Variants in ABHD18 observed in about 807,000 individuals in gnomAD.
ABHD18 encodes cardiolipin-specific deacylase, mitochondrial.
ABHD18 carries 55 observed loss-of-function variants against 65.9 expected under a neutral mutation model. The observed-to-expected ratio is 0.84, with a 90% CI of 0.67 to 1.05. ABHD18 has a LOEUF of 1.05. Ranked by LOEUF, ABHD18 falls within the 50% of genes least tolerant of loss-of-function variation. ABHD18 has a pLI of 0.00. For synonymous variants in ABHD18, 181 were observed against 180.2 expected (o/e 1.00, Z -0.04); for missense variants, 533 against 558.5 (o/e 0.95, Z 0.46).
chr4:128,027,244 G>A (rs1371173008), intron 10 of ABHD18, among the ~76,000 whole-genome samples: 1 of 151,990 alleles, frequency 6.6e-6, no homozygotes, highest in East Asian at 1.9e-4. Context: ...CTAGATTTAC[G>A]TAAATACATT....
chr4:128,026,852 C>T (rs570728655), intron 10 of ABHD18, among the ~76,000 whole-genome samples: 100 of 150,232 alleles, frequency 6.7e-4, no homozygotes, highest in African/African-American at 2.4e-3. Context: ...GTGGCACAGT[C>T]TCTACTCATT....
rs1188701832 is a variant in ABHD18, at chr4:128,037,653, AT to A, written c.*1847del. On this transcript the variant is annotated 3_prime_UTR_variant, in exon 13 of 13. Transcript: ENST00000645843. ...ACACCCGACCTGACATTTTATTTTT[AT>A]TTTTTTAATTACATTTTTCTATATG... The A allele has an allele frequency of 4.6e-5, 7 of 151,936 alleles. No homozygotes were observed. Among genetic ancestry groups the A allele is most frequent in the African/African-American group, 2.4e-5 (1 of 41,374 alleles). 9.4% of individuals were successfully genotyped at this position (151,936 alleles called of 1,614,324 possible).
chr4:128,020,237 C>A, intron 9 of ABHD18, 68 bp downstream of exon 9: 1 of 1,091,128 alleles, frequency 9.2e-7, no homozygotes, highest in South Asian at 1.3e-5. Context: ...GGGGGGTCCC[C>A]AAAACCACCC....
rs1265911578 is a variant in ABHD18 at position 127,965,513 on chromosome 4, C to T, written c.-111C>T. Reference sequence around the variant, plus strand: ...AAGGTTACCGGAGCTGCGATTGGGGCTGGGACCAAAGTTGAGTCCTGGAAA... The same window carrying T: ...AAGGTTACCGGAGCTGCGATTGGGGTTGGGACCAAAGTTGAGTCCTGGAAA... On this transcript the variant is annotated 5_prime_UTR_variant, in exon 1 of 13. Coordinates refer to ENST00000645843, the MANE Select transcript of ABHD18 (RefSeq NM_001358451.3). The T allele has an allele frequency of 2.8e-6, 1 of 353,046 alleles. No homozygotes were observed. The highest frequency in any genetic ancestry group is 5.4e-6 in the Non-Finnish European group (1 of 184,472). The allele number at this position is 353,046 out of a possible 1,614,324, so 21.9% of individuals were successfully genotyped here.
chr4:128,007,073 A>G (rs1230070337), intron 4 of ABHD18, among the ~76,000 whole-genome samples: 1 of 152,156 alleles, frequency 6.6e-6, no homozygotes, highest in Non-Finnish European at 1.5e-5. Context: ...TGAACCTGGG[A>G]GGTGGAAGTT....
rs565382081 is a variant in ABHD18, at chr4:128,011,335, T to A, written c.443-338T>A. Among the ~76,000 whole-genome samples, 247 of 151,970 alleles carry A rather than the reference T, an allele frequency of 1.6e-3. 1 individual carries two copies. Among genetic ancestry groups the A allele is most frequent in the African/African-American group, 5.7e-3 (237 of 41,476 alleles). ...AGCTAATTTTTTGTATTTTTAGTAG[T>A]GATGGGGTTTCACCATGTTAGCCAG... On this transcript the variant is annotated intron_variant, in intron 6 of 12. Coordinates refer to ENST00000645843, the MANE Select transcript of ABHD18 (RefSeq NM_001358451.3).
At chr4:127,981,472 A>C (rs1749040686) in intron 1 of ABHD18, among the ~76,000 whole-genome samples, 1 of 152,234 alleles carries the variant, frequency 6.6e-6, no homozygotes, top group South Asian at 2.1e-4. Context: ...TGAGAACAAG[A>C]CCATTCCTTT....
chr4:128,035,810 C>CT lies in ABHD18; in HGVS notation c.1393dup (p.Ter465LeufsTer23). 6.5e-7 allele frequency: 1 copy of CT among 1,533,270 alleles called. No individual in the cohort carries two copies. The highest frequency in any genetic ancestry group is 2.5e-5 in the East Asian group (1 of 40,788). The allele number at this position is 1,533,270 out of a possible 1,614,324, so 95.0% of individuals were successfully genotyped here. A position where few individuals can be genotyped will look rare whatever the true frequency, so the allele number is the denominator to read the frequency against. On this transcript the variant is annotated frameshift_variant, in exon 13 of 13. Transcript: ENST00000645843. LOFTEE classifies it high-confidence loss of function. ...ACCGCTTCCTCCATAAATACGCTAACTAGTTGGATTATTATATGTAACCAG... is the reference window on the plus strand; with the variant it reads ...ACCGCTTCCTCCATAAATACGCTAACTTAGTTGGATTATTATATGTAACCAG...
intron 4 of ABHD18, among the ~76,000 whole-genome samples, chr4:128,000,383 C>A (rs1328353316): frequency 6.6e-6 from 1 of 152,144 alleles, no homozygotes; most frequent in Non-Finnish European, 1.5e-5. Flanking sequence ...AATAGGGAGT[C>A]CTTTTTCTTT....
rs921265931 is a variant in ABHD18, at chr4:127,965,505, G to A, written c.-119G>A. On this transcript the variant is annotated 5_prime_UTR_variant, in exon 1 of 13. Transcript: ENST00000645843. ...TTCCTGGAAAGGTTACCGGAGCTGCGATTGGGGCTGGGACCAAAGTTGAGT... is the reference window on the plus strand; with the variant it reads ...TTCCTGGAAAGGTTACCGGAGCTGCAATTGGGGCTGGGACCAAAGTTGAGT... 2.7e-6 allele frequency: 1 copy of A among 365,814 alleles called. No individual in the cohort carries two copies. 22.7% of individuals were successfully genotyped at this position (365,814 alleles called of 1,614,324 possible).
intron 12 of ABHD18, 45 bp from the exon 13 acceptor site, chr4:128,035,717 C>T (rs1178095331): frequency 8.4e-7 from 1 of 1,195,662 alleles, no homozygotes; most frequent in South Asian, 1.4e-5. Flanking sequence ...TTTGTCCCCC[C>T]TTTTTGTTAG....
intron 4 of ABHD18, among the ~76,000 whole-genome samples, chr4:128,005,175 G>T (rs929286957): frequency 6.6e-6 from 1 of 152,238 alleles, no homozygotes; most frequent in Non-Finnish European, 1.5e-5. Flanking sequence ...GTTGCAGTGA[G>T]CTGTGATCAT....
Position 128,028,630 on chromosome 4 carries a change from A to T in ABHD18, c.957A>T (p.Lys319Asn), listed in dbSNP as rs1757732240. 1 of 1,613,910 alleles carries T rather than the reference A, an allele frequency of 6.2e-7. No individual in the cohort carries two copies. The highest frequency in any genetic ancestry group is 2.2e-5 in the East Asian group (1 of 44,862). Reference protein sequence around the residue: ...QKPADCHNSSKTSVSATSEGL... With the variant: ...QKPADCHNSSNTSVSATSEGL... ...CTGCTGACTGCCATAATTCTAGCAA[A>T]ACATCTGTCAGTGCGACATCAGAAG... The change falls in exon 11 of 13, where the codon AAA (lysine) becomes AAT (asparagine). Residue 319 changes from lysine to asparagine, a missense_variant. Lys to Asn is a moderately conservative substitution (Grantham distance 94, BLOSUM62 0). Around this residue, in one of 3 missense-constraint regions of ABHD18, gnomAD observed 220 missense variants for 226.8 expected, o/e 0.97. Transcript: ENST00000645843.
intron 7 of ABHD18, among the ~76,000 whole-genome samples, chr4:128,013,423 G>A (rs554181737): frequency 6.6e-6 from 1 of 152,232 alleles, no homozygotes; most frequent in Non-Finnish European, 1.5e-5. Context: ...GTTCTGGGCC[G>A]GGCGCAGTGG....
chr4:127,982,832 T>C, intron 1 of ABHD18, 107 bp from the exon 2 acceptor site: 1 of 603,644 alleles, frequency 1.7e-6, no homozygotes, highest in South Asian at 2.5e-5. Context: ...AATTAATTCG[T>C]CTCAATCTTT....
chr4:127,998,783 A>T (rs1373024483), intron 4 of ABHD18, among the ~76,000 whole-genome samples: 1 of 152,162 alleles, frequency 6.6e-6, no homozygotes, highest in Admixed American at 6.6e-5. Context: ...AAAGCAAAAC[A>T]GTTTATTCTA....
At chr4:127,979,515 A>G (rs1748587867) in intron 1 of ABHD18, among the ~76,000 whole-genome samples, 1 of 152,218 alleles carries the variant, frequency 6.6e-6, no homozygotes, top group African/African-American at 2.4e-5. Flanking sequence ...AGATTGCGCC[A>G]CTGCACTCTA....
At chr4:127,984,042 G>GA (rs1560837760) in intron 2 of ABHD18, among the ~76,000 whole-genome samples, 1 of 141,944 alleles carries the variant, frequency 7.0e-6, no homozygotes, top group Non-Finnish European at 1.6e-5. Flanking sequence ...GTCTCAAGGG[G>GA]GAAAAAAAAA....
chr4:127,997,918 C>A (rs1752014509), intron 4 of ABHD18, among the ~76,000 whole-genome samples: 2 of 149,942 alleles, frequency 1.3e-5, no homozygotes, highest in African/African-American at 4.9e-5. Context: ...TTGACAGATT[C>A]TTGCTCTATT....
Sources: allele counts gnomAD v4.1 joint callset (sites outside exome capture counted in the v4.1 genomes callset), GRCh38; gene constraint gnomAD v4.1.1; regional missense constraint gnomAD v4.1.1; transcripts MANE v1.5; gene names NCBI Gene and HGNC (gene_info 2026-07-23, HGNC 2026-07-21).